Variants in NALF1 observed in about 807,000 individuals in gnomAD.
NALF1 encodes family with sequence similarity 155 member A.
NALF1 carries 3 observed loss-of-function variants against 48.4 expected under a neutral mutation model. That is an observed-to-expected ratio of 0.06 (90% CI 0.03 to 0.16). The LOEUF (loss-of-function observed/expected upper bound fraction) is 0.16. Ranked by LOEUF, NALF1 falls within the 10% of genes least tolerant of loss-of-function variation. NALF1 has a pLI of 1.00. For synonymous variants in NALF1, 262 were observed against 245.7 expected, an observed-to-expected ratio of 1.07 and a Z score of -0.62; for missense variants, 526 against 571.5, an observed-to-expected ratio of 0.92 and a Z score of 0.81.
intron 2 of NALF1, among the ~76,000 whole-genome samples, chr13:107,178,000 T>C (rs1206314517): frequency 6.6e-6 from 1 of 152,156 alleles, no homozygotes; most frequent in Non-Finnish European, 1.5e-5. Flanking sequence ...TGAGTCGAGA[T>C]TGTGCCACTG....
chr13:107,804,703 A>AT (rs1295460071), intron 1 of NALF1, among the ~76,000 whole-genome samples: 8 of 152,202 alleles, frequency 5.3e-5, no homozygotes, highest in African/African-American at 1.9e-4. Flanking sequence ...ATGTCTGGAC[A>AT]TATCAGCCAT....
chr13:107,458,432 G>A (rs1884860449), intron 1 of NALF1, among the ~76,000 whole-genome samples: 1 of 152,202 alleles, frequency 6.6e-6, no homozygotes, highest in African/African-American at 2.4e-5. Flanking sequence ...GGGGCCGCCT[G>A]ACATGGTAAC....
chr13:107,245,137 G>C (rs1030503668), intron 1 of NALF1, among the ~76,000 whole-genome samples: 1 of 152,180 alleles, frequency 6.6e-6, no homozygotes, highest in African/African-American at 2.4e-5. Flanking sequence ...TTATGGCTTT[G>C]TAATATTGTT....
intron 1 of NALF1, among the ~76,000 whole-genome samples, chr13:107,346,541 T>C (rs1205968133): frequency 6.6e-6 from 1 of 152,206 alleles, no homozygotes. Context: ...GCATGAATCC[T>C]CTTATATATG....
intron 1 of NALF1, among the ~76,000 whole-genome samples, chr13:107,666,339 G>A (rs183645986): frequency 5.3e-5 from 8 of 152,152 alleles, no homozygotes; most frequent in African/African-American, 9.6e-5. Flanking sequence ...GCCACCTCTC[G>A]GTAGCCATTG....
intron 1 of NALF1, among the ~76,000 whole-genome samples, chr13:107,490,151 TG>T (rs1427613707): frequency 2.0e-5 from 3 of 152,142 alleles, no homozygotes; most frequent in African/African-American, 7.2e-5. Flanking sequence ...GGTCAACCAT[TG>T]TAGAAGACAA....
At chr13:107,863,940 G>A (rs1032975749) in intron 1 of NALF1, among the ~76,000 whole-genome samples, 1 of 152,100 alleles carries the variant, frequency 6.6e-6, no homozygotes, top group Admixed American at 6.5e-5. Flanking sequence ...AGAAATTAGG[G>A]TTTACATGCA....
chr13:107,206,174 C>T lies in NALF1; in HGVS notation c.1087+4410G>A, dbSNP rs569260117. On this transcript the variant is annotated intron_variant, in intron 2 of 2. Coordinates refer to ENST00000375915, the MANE Select transcript of NALF1 (RefSeq NM_001080396.3). ...ATTTCTTTCCAATTAATTTTTAAAA[C>T]ATTTCTTTAGTCACGTGTCAGTTTT... 4.0e-4 allele frequency among the ~76,000 whole-genome samples: 61 copies of T among 152,200 alleles called. 1 individual carries two copies. In the South Asian group the frequency reaches 0.012, roughly 31 times the overall value.
intron 1 of NALF1, among the ~76,000 whole-genome samples, chr13:107,448,112 C>A (rs1884680681): frequency 6.6e-6 from 1 of 152,122 alleles, no homozygotes; most frequent in Non-Finnish European, 1.5e-5. Context: ...CGAGCCCCTG[C>A]CTCTCAGTCA....
At chr13:107,735,639 G>GA (rs1366820121) in intron 1 of NALF1, among the ~76,000 whole-genome samples, 3 of 152,226 alleles carry the variant, frequency 2.0e-5, no homozygotes, top group Non-Finnish European at 4.4e-5. Flanking sequence ...AAGGAGTCAT[G>GA]ATCAGAAAAG....
intron 1 of NALF1, among the ~76,000 whole-genome samples, chr13:107,705,241 C>T (rs916887005): frequency 2.0e-5 from 3 of 152,308 alleles, no homozygotes; most frequent in East Asian, 1.9e-4. Context: ...CTATTAACTT[C>T]TACATGTCCC....
At chr13:107,189,956 C>A (rs1331866295) in intron 2 of NALF1, among the ~76,000 whole-genome samples, 3 of 151,998 alleles carry the variant, frequency 2.0e-5, no homozygotes, top group African/African-American at 7.2e-5. Flanking sequence ...TTATTCACAT[C>A]ATTGCTCAAG....
chr13:107,339,471 G>T (rs983517188), intron 1 of NALF1, among the ~76,000 whole-genome samples: 1 of 152,016 alleles, frequency 6.6e-6, no homozygotes, highest in Non-Finnish European at 1.5e-5. Context: ...TGAGATAGGG[G>T]CCTGCAAATT....
rs983762015 is a variant in NALF1, at chr13:107,225,855, G to T, written c.916-15100C>A. Among the ~76,000 whole-genome samples the T allele has an allele frequency of 2.6e-5, 4 of 151,862 alleles. No individual in the cohort carries two copies. In the East Asian group the frequency reaches 7.8e-4, roughly 29 times the overall value. On this transcript the variant is annotated intron_variant, in intron 1 of 2. Coordinates refer to ENST00000375915, the MANE Select transcript of NALF1 (RefSeq NM_001080396.3). Reference sequence around the variant, plus strand: ...CACACACACACGCATGCGCACAGACGCACTTTCCATACATTAGGTCAGATG... The same window carrying T: ...CACACACACACGCATGCGCACAGACTCACTTTCCATACATTAGGTCAGATG...
chr13:107,434,214 T>C (rs1047870105), intron 1 of NALF1, among the ~76,000 whole-genome samples: 11 of 152,198 alleles, frequency 7.2e-5, no homozygotes, highest in Admixed American at 1.3e-4. Context: ...TGTGTTAAAA[T>C]GCAAAGAAAT....
At chr13:107,833,317 A>C (rs1458588916) in intron 1 of NALF1, among the ~76,000 whole-genome samples, 2 of 152,210 alleles carry the variant, frequency 1.3e-5, no homozygotes, top group Non-Finnish European at 2.9e-5. Context: ...GAATACACAT[A>C]TGAATACTAC....
intron 1 of NALF1, among the ~76,000 whole-genome samples, chr13:107,583,666 G>A (rs1414673053): frequency 6.6e-6 from 1 of 152,110 alleles, no homozygotes; most frequent in Non-Finnish European, 1.5e-5. Flanking sequence ...CTTACCTAAA[G>A]AGAGCCAGGA....
chr13:107,682,860 A>G (rs1163458153), intron 1 of NALF1, among the ~76,000 whole-genome samples: 3 of 152,204 alleles, frequency 2.0e-5, no homozygotes, highest in African/African-American at 7.2e-5. Flanking sequence ...GGCCTCTGCC[A>G]TAGTATGGTC....
At chr13:107,612,509 T>C (rs1421132826) in intron 1 of NALF1, among the ~76,000 whole-genome samples, 1 of 152,118 alleles carries the variant, frequency 6.6e-6, no homozygotes, top group Non-Finnish European at 1.5e-5. Flanking sequence ...TGGATGAGAC[T>C]AGCACTGGTA....
Sources: allele counts gnomAD v4.1 joint callset (sites outside exome capture counted in the v4.1 genomes callset), GRCh38; gene constraint gnomAD v4.1.1; transcripts MANE v1.5; gene names NCBI Gene and HGNC (gene_info 2026-07-23, HGNC 2026-07-21).